The following IQGAP1 variants were observed in gnomAD, a reference collection of about 807,000 sequenced individuals.
IQGAP1 encodes ras GTPase-activating-like protein IQGAP1.
A neutral mutation model predicts 215.6 loss-of-function variants in IQGAP1; 66 were observed. The ratio of observed to expected loss-of-function variants is 0.31; its 90% CI spans 0.25 to 0.38. The LOEUF is 0.38. Among genes scored for constraint, IQGAP1 ranks in the 10% least tolerant of loss-of-function variants. The pLI, the probability that IQGAP1 is intolerant of heterozygous loss-of-function variation, is 1.00. For missense variants in IQGAP1, 1,712 were observed against 1,997.1 expected (o/e 0.86, Z 2.72); for synonymous variants, 772 against 728.7 (o/e 1.06, Z -0.96).
At chr15:90,491,988 G>A (rs1383608527) in intron 34 of IQGAP1, among the ~76,000 whole-genome samples, 1 of 152,162 alleles carries the variant, frequency 6.6e-6, no homozygotes, top group Non-Finnish European at 1.5e-5. Flanking sequence ...ATGTATTATA[G>A]TTCTCTTTTT....
Position 90,433,725 on chromosome 15 carries a change from T to C in IQGAP1, c.397T>C (p.Tyr133His). 1 of 1,591,606 alleles carries C rather than the reference T, an allele frequency of 6.3e-7. No individual in the cohort carries two copies. The highest frequency in any genetic ancestry group is 2.2e-5 in the East Asian group (1 of 44,518). The change falls in exon 5 of 38, where the codon TAC (tyrosine) becomes CAC (histidine). Residue 133 changes from tyrosine (Y) to histidine (H), a missense_variant. Around this residue, in one of 2 missense-constraint regions of IQGAP1, gnomAD observed 1,021 missense variants for 1,074.2 expected, o/e 0.95. Transcript: ENST00000268182. ...TTCTTTTATTTCTCCCTAGATTTTT[T>C]ACCCAGAAACTACAGATATCTATGA... ...MDEIGLPKIFYPETTDIYDRK... is the reference protein window; with the variant it reads ...MDEIGLPKIFHPETTDIYDRK...
At chr15:90,414,212 T>G (rs184402544) in intron 2 of IQGAP1, among the ~76,000 whole-genome samples, 12 of 151,708 alleles carry the variant, frequency 7.9e-5, no homozygotes, top group Non-Finnish European at 1.5e-4. Flanking sequence ...CCCAGTACTT[T>G]GGGAGATGGA....
chr15:90,398,146 A>G (rs866697060), intron 2 of IQGAP1, among the ~76,000 whole-genome samples: 31 of 152,176 alleles, frequency 2.0e-4, no homozygotes, highest in South Asian at 2.1e-4. Context: ...TTGGCCTCCT[A>G]CAGTGCTGGG....
intron 8 of IQGAP1, among the ~76,000 whole-genome samples, chr15:90,443,067 T>TA (rs550291121): frequency 8.0e-4 from 121 of 151,942 alleles, no homozygotes; most frequent in African/African-American, 2.8e-3. Context: ...AAAGCAATCT[T>TA]ACTGTCACAG....
intron 23 of IQGAP1, among the ~76,000 whole-genome samples, chr15:90,475,187 T>G (rs183600259): frequency 6.6e-6 from 1 of 152,026 alleles, no homozygotes; most frequent in Non-Finnish European, 1.5e-5. Flanking sequence ...TTACTGGAGA[T>G]GGCGTTTCGC....
chr15:90,441,416 G>T, intron 7 of IQGAP1, 90 bp from the exon 8 acceptor site: 3 of 1,097,828 alleles, frequency 2.7e-6, no homozygotes, highest in African/African-American at 1.6e-5. Context: ...CTAATGGGGG[G>T]TGCAATGTTG....
intron 2 of IQGAP1, among the ~76,000 whole-genome samples, chr15:90,409,050 C>T (rs1254957447): frequency 1.3e-5 from 2 of 152,002 alleles, no homozygotes; most frequent in Non-Finnish European, 2.9e-5. Context: ...GATCCTATCC[C>T]TTCTTGTCTT....
At chr15:90,468,172 G>A (rs1471638719) in intron 18 of IQGAP1, among the ~76,000 whole-genome samples, 2 of 152,030 alleles carry the variant, frequency 1.3e-5, no homozygotes, top group Non-Finnish European at 1.5e-5. Flanking sequence ...GGGTTCAAGC[G>A]ATTCTTCTGC....
chr15:90,492,342 G>A (rs1373038012), intron 34 of IQGAP1, among the ~76,000 whole-genome samples: 1 of 149,218 alleles, frequency 6.7e-6, no homozygotes, highest in African/African-American at 2.5e-5. Flanking sequence ...GAGGTGGGAG[G>A]ATCATTTTAG....
At position 90,449,576 on chromosome 15, in the gene IQGAP1, C is replaced by T; in HGVS notation, c.1095C>T (p.Pro365=). The change falls in exon 11 of 38, where the codon CCC becomes CCT. Residue 365 remains proline (P), a synonymous_variant. Coordinates refer to ENST00000268182, the MANE Select transcript of IQGAP1 (RefSeq NM_003870.4). ...TTGCTCAGAGTGGTCAGACTGACCC[C>T]CTGCAGAAGGAGGAGCTGCAGTCTG... ...QQKRQSGQTD[P]LQKEELQSGV... The T allele has an allele frequency of 6.2e-7, 1 of 1,612,736 alleles. No homozygotes were observed. Among genetic ancestry groups the T allele is most frequent in the Non-Finnish European group, 8.5e-7 (1 of 1,179,438 alleles).
At chr15:90,458,640 A>T (rs915877315) in intron 15 of IQGAP1, among the ~76,000 whole-genome samples, 2 of 152,232 alleles carry the variant, frequency 1.3e-5, no homozygotes, top group Admixed American at 1.3e-4. Context: ...CATTGTTCTG[A>T]TGACCAGCCA....
chr15:90,395,738 C>A (rs374129674), intron 2 of IQGAP1, among the ~76,000 whole-genome samples: 1 of 152,144 alleles, frequency 6.6e-6, no homozygotes, highest in African/African-American at 2.4e-5. Context: ...AGTAACAGAT[C>A]AGAATAAGGT....
intron 15 of IQGAP1, among the ~76,000 whole-genome samples, chr15:90,465,280 G>C (rs1161042304): frequency 6.6e-6 from 1 of 152,208 alleles, no homozygotes; most frequent in Non-Finnish European, 1.5e-5. Flanking sequence ...AGTAGTCATA[G>C]AGAACGTTAA....
intron 9 of IQGAP1, among the ~76,000 whole-genome samples, chr15:90,446,516 G>A (rs1265991108): frequency 6.6e-6 from 1 of 152,152 alleles, no homozygotes; most frequent in African/African-American, 2.4e-5. Flanking sequence ...GGTTTTCAGT[G>A]TACATGGATC....
intron 2 of IQGAP1, among the ~76,000 whole-genome samples, chr15:90,425,833 G>A (rs552950318): frequency 1.3e-5 from 2 of 152,324 alleles, no homozygotes; most frequent in South Asian, 4.1e-4. Context: ...TCTGGGAGCA[G>A]TCAGGATCTG....
At chr15:90,392,838 G>A (rs528687633) in intron 2 of IQGAP1, among the ~76,000 whole-genome samples, 9 of 133,718 alleles carry the variant, frequency 6.7e-5, no homozygotes, top group East Asian at 4.9e-4. Context: ...TCCACCTCCC[G>A]GGTTCAAGCG....
chr15:90,457,213 T>A (rs8039288), intron 15 of IQGAP1, among the ~76,000 whole-genome samples: 27,379 of 151,820 alleles, frequency 0.18, 2,574 homozygotes, highest in South Asian at 0.23. Flanking sequence ...TTCCGTCCAC[T>A]TTTGAGCTGT....
chr15:90,481,250 A>C (rs1596288720), intron 26 of IQGAP1, among the ~76,000 whole-genome samples: 2 of 139,786 alleles, frequency 1.4e-5, no homozygotes, highest in South Asian at 2.3e-4. Flanking sequence ...TTCTGTGTGT[A>C]CCAAAGCTCT....
chr15:90,468,131 A>C (rs1965857479), intron 18 of IQGAP1, among the ~76,000 whole-genome samples: 1 of 151,772 alleles, frequency 6.6e-6, no homozygotes, highest in Non-Finnish European at 1.5e-5. Context: ...GCAGTGGTGC[A>C]TTCTCGGCTC....
Sources: gnomAD v4.1 joint callset for allele counts (sites outside exome capture counted in the v4.1 genomes callset) on GRCh38, gnomAD v4.1.1 for gene constraint, gnomAD v4.1.1 regional missense constraint, MANE v1.5 for transcripts, NCBI Gene and HGNC (gene_info 2026-07-23, HGNC 2026-07-21) for gene names.